Variants in SQOR observed in about 807,000 individuals in gnomAD.
The protein encoded by SQOR is sulfide quinone oxidoreductase.
SQOR carries 39 observed loss-of-function variants against 48.6 expected under a neutral mutation model. The observed-to-expected ratio is 0.80, with a 90% CI of 0.62 to 1.05. The LOEUF (loss-of-function observed/expected upper bound fraction) is 1.05. Among genes scored for constraint, SQOR ranks in the 50% least tolerant of loss-of-function variants. The probability of loss-of-function intolerance (pLI) is 0.00; values close to 1 mark genes in which losing one functional copy is unlikely to be tolerated. For synonymous variants in SQOR, 220 were observed against 206.2 expected (o/e 1.07, Z -0.57); for missense variants, 561 against 559.9 (o/e 1.00, Z -0.02).
At chr15:45,690,908 C>T in intron 9 of SQOR, 65 bp from the exon 10 acceptor site, 7 of 1,411,560 alleles carry the variant, frequency 5.0e-6, no homozygotes, top group South Asian at 2.3e-5. Flanking sequence ...CTTTCAGCAT[C>T]CTCCTGACTG....
chr15:45,669,428 T>G (rs1443516583), intron 3 of SQOR, among the ~76,000 whole-genome samples: 1 of 152,296 alleles, frequency 6.6e-6, no homozygotes, highest in South Asian at 2.1e-4. Flanking sequence ...CCTCCCAAGG[T>G]GCTGGGATGA....
At chr15:45,689,355 C>G (rs971651592) in intron 9 of SQOR, 138 bp downstream of exon 9, 190 of 701,074 alleles carry the variant, frequency 2.7e-4, no homozygotes, top group Non-Finnish European at 4.2e-4. Flanking sequence ...TCTTTTGCTG[C>G]TGGATAAATA....
intron 3 of SQOR, among the ~76,000 whole-genome samples, chr15:45,662,518 T>C (rs531406177): frequency 4.3e-4 from 66 of 152,236 alleles, no homozygotes; most frequent in Non-Finnish European, 7.8e-4. Context: ...CCCAGAACAA[T>C]AGGATGCTGG....
chr15:45,662,145 G>T lies in SQOR; in HGVS notation c.405+20G>T. On this transcript the variant is annotated intron_variant, in intron 3 of 9. Transcript: ENST00000260324. ...GAGAAGGTAACCACTGAGGCCTTTA[G>T]ATTTTTTGTTAATCTGACAGCTTGT... The T allele has an allele frequency of 6.2e-7, 1 of 1,608,656 alleles. No individual in the cohort carries two copies. The highest frequency in any genetic ancestry group is 8.5e-7 in the Non-Finnish European group (1 of 1,176,224).
intron 5 of SQOR, among the ~76,000 whole-genome samples, chr15:45,675,488 G>A (rs2140957240): frequency 6.6e-6 from 1 of 151,922 alleles, no homozygotes; most frequent in South Asian, 2.1e-4. Context: ...TCCGCTTCCT[G>A]GGTTCAAGCC....
intron 7 of SQOR, among the ~76,000 whole-genome samples, chr15:45,686,762 C>A (rs1012358193): frequency 3.9e-5 from 6 of 152,234 alleles, no homozygotes; most frequent in Non-Finnish European, 7.3e-5. Flanking sequence ...CATCTTTCCT[C>A]AAACGTGAAT....
intron 6 of SQOR, among the ~76,000 whole-genome samples, chr15:45,680,714 C>T (rs1205636843): frequency 6.6e-6 from 1 of 152,136 alleles, no homozygotes; most frequent in Non-Finnish European, 1.5e-5. Context: ...CTGCACCTGG[C>T]CATTAATTTC....
intron 1 of SQOR, among the ~76,000 whole-genome samples, chr15:45,650,188 A>G (rs1338988781): frequency 7.2e-5 from 11 of 152,158 alleles, no homozygotes; most frequent in African/African-American, 2.4e-4. Flanking sequence ...CGCCCAGGCT[A>G]GAGTGCAATG....
intron 7 of SQOR, among the ~76,000 whole-genome samples, chr15:45,683,714 A>T (rs1018555835): frequency 2.0e-5 from 3 of 149,258 alleles, no homozygotes; most frequent in Admixed American, 6.6e-5. Context: ...CTTTTTATTT[A>T]AAAAAAAATC....
intron 1 of SQOR, among the ~76,000 whole-genome samples, chr15:45,651,413 G>T (rs1889486617): frequency 6.6e-6 from 1 of 152,212 alleles, no homozygotes; most frequent in Non-Finnish European, 1.5e-5. Flanking sequence ...CAAGCAGAGG[G>T]AGCTGGCTCT....
At chr15:45,649,702 C>CA (rs1197044420) in intron 1 of SQOR, among the ~76,000 whole-genome samples, 1 of 151,358 alleles carries the variant, frequency 6.6e-6, no homozygotes, top group Non-Finnish European at 1.5e-5. Flanking sequence ...AGGCTAGTCT[C>CA]AAACTCCTGG....
chr15:45,689,162 A>G lies in SQOR; in HGVS notation c.1240A>G (p.Met414Val), dbSNP rs377074686. Residue 414 changes from methionine to valine, a missense_variant, in exon 9 of 10, where the codon ATG becomes GTG. Physicochemically the swap from Met to Val is conservative, Grantham distance 21. Transcript: ENST00000260324. ...PFDQSKERLS[M>V]YLMKADLMPF... Reference sequence around the variant, plus strand: ...TGATCAAAGCAAAGAGCGCCTTTCCATGTATCTCATGAAAGCTGACCTGAT... The same window carrying G: ...TGATCAAAGCAAAGAGCGCCTTTCCGTGTATCTCATGAAAGCTGACCTGAT... 1 of 1,613,996 alleles carries G rather than the reference A, an allele frequency of 6.2e-7. No individual in the cohort carries two copies. The highest frequency in any genetic ancestry group is 2.2e-5 in the East Asian group (1 of 44,878).
intron 1 of SQOR, among the ~76,000 whole-genome samples, chr15:45,649,497 A>G (rs368338788): frequency 5.9e-5 from 9 of 152,190 alleles, no homozygotes; most frequent in East Asian, 1.9e-4. Flanking sequence ...TTTTTTTGAG[A>G]CAGAGTCTTG....
At chr15:45,683,072 A>G (rs75535659) in intron 7 of SQOR, among the ~76,000 whole-genome samples, 389 of 151,770 alleles carry the variant, frequency 2.6e-3, no homozygotes, top group African/African-American at 9.1e-3. Flanking sequence ...CAAGTTGTCA[A>G]TGAACCCAGT....
intron 1 of SQOR, among the ~76,000 whole-genome samples, chr15:45,646,710 CAT>C (rs1209922851): frequency 6.6e-6 from 1 of 152,152 alleles, no homozygotes; most frequent in Non-Finnish European, 1.5e-5. Context: ...TTTCATCAAA[CAT>C]GTACAAAAAT....
chr15:45,675,401 T>TG (rs1186471161), intron 5 of SQOR, among the ~76,000 whole-genome samples: 1 of 149,100 alleles, frequency 6.7e-6, no homozygotes, highest in Non-Finnish European at 1.5e-5. Context: ...GTTTGTTTAT[T>TG]TTTTTTTTTT....
chr15:45,661,587 G>T (rs1277172320), intron 2 of SQOR, among the ~76,000 whole-genome samples: 1 of 152,070 alleles, frequency 6.6e-6, no homozygotes, highest in Non-Finnish European at 1.5e-5. Flanking sequence ...CTAGGCTGCT[G>T]GGCTTAATTT....
At chr15:45,682,835 C>T (rs544934436) in intron 7 of SQOR, among the ~76,000 whole-genome samples, 174 bp downstream of exon 7, 76 of 152,242 alleles carry the variant, frequency 5.0e-4, no homozygotes, top group African/African-American at 1.8e-3. Context: ...TGAGACCAGC[C>T]TGGCCAACAT....
chr15:45,686,646 G>A (rs1438924157), intron 7 of SQOR, among the ~76,000 whole-genome samples: 1 of 152,148 alleles, frequency 6.6e-6, no homozygotes, highest in Non-Finnish European at 1.5e-5. Context: ...TTTGCCGTGG[G>A]CCCACAAGGC....
Sources: gnomAD v4.1 joint callset for allele counts (sites outside exome capture counted in the v4.1 genomes callset) on GRCh38, gnomAD v4.1.1 for gene constraint, MANE v1.5 for transcripts, NCBI Gene and HGNC (gene_info 2026-07-23, HGNC 2026-07-21) for gene names.